PTK2B: variants seen among roughly 807,000 people sequenced by gnomAD.
The protein encoded by PTK2B is protein tyrosine kinase 2 beta, also known as protein-tyrosine kinase 2-beta.
PTK2B carries 71 observed loss-of-function variants against 142.9 expected under a neutral mutation model. That is an observed-to-expected ratio of 0.50 (90% CI 0.41 to 0.61). PTK2B has a LOEUF of 0.61. Ranked by LOEUF, PTK2B falls within the 20% of genes least tolerant of loss-of-function variation. The pLI is 0.00. For missense variants in PTK2B, 1,105 were observed against 1,320.4 expected, an observed-to-expected ratio of 0.84 and a Z score of 2.53; for synonymous variants, 519 against 503.4, an observed-to-expected ratio of 1.03 and a Z score of -0.42.
Position 27,431,447 on chromosome 8 carries a change from G to T in PTK2B, c.860G>T (p.Arg287Leu). The T allele has an allele frequency of 3.1e-6, 5 of 1,614,184 alleles. No individual in the cohort carries two copies. Among genetic ancestry groups the T allele is most frequent in the Non-Finnish European group, 4.2e-6 (5 of 1,180,028 alleles). ...VDLVIGPKGI[R>L]QLTSQDAKPT... ...CTGGTCATTGGCCCTAAAGGGATCC[G>T]CCAGCTGACTAGTCAGGACGCAAAG... The change falls in exon 9 of 31, where the codon CGC becomes CTC. Residue 287 changes from arginine (R) to leucine (L), a missense_variant. Physicochemically the swap from Arg to Leu is moderately radical, Grantham distance 102 (BLOSUM62 -2). Transcript: ENST00000346049.
intron 1 of PTK2B, among the ~76,000 whole-genome samples, chr8:27,341,026 G>A (rs1207079027): frequency 6.6e-6 from 1 of 152,180 alleles, no homozygotes; most frequent in Non-Finnish European, 1.5e-5. Flanking sequence ...GAGCAAGGGG[G>A]TGGCCTGGCA....
chr8:27,435,796 AG>A lies in PTK2B; in HGVS notation c.1243+5del. The A allele has an allele frequency of 6.2e-7, 1 of 1,613,922 alleles. No homozygotes were observed. Among genetic ancestry groups the A allele is most frequent in the Non-Finnish European group, 8.5e-7 (1 of 1,179,940 alleles). On this transcript the variant is annotated splice_donor_region_variant and intron_variant, in intron 14 of 30. Transcript: ENST00000346049. ...CGAAACCCTGCGAAGGCCCGGAGGTAGGTTCTCGACCCCGCCACAGCGACCG... is the reference window on the plus strand; with the variant it reads ...CGAAACCCTGCGAAGGCCCGGAGGTAGTTCTCGACCCCGCCACAGCGACCG...
intron 16 of PTK2B, 52 bp from the exon 17 acceptor site, chr8:27,437,344 A>T: frequency 6.4e-7 from 1 of 1,572,644 alleles, no homozygotes; most frequent in Non-Finnish European, 8.7e-7. Flanking sequence ...GCCTTTTCTG[A>T]ATTGGACCTT....
upstream of PTK2B, among the ~76,000 whole-genome samples, chr8:27,321,752 T>G (rs1258133300): frequency 1.3e-5 from 2 of 152,192 alleles, no homozygotes; most frequent in African/African-American, 2.4e-5. Flanking sequence ...AAATGTAGCC[T>G]TCATTTTGGG....
Position 27,451,202 on chromosome 8 carries a change from C to T in PTK2B, c.2523+124C>T, listed in dbSNP as rs556698361. The T allele has an allele frequency of 1.8e-5, 22 of 1,205,564 alleles. No homozygotes were observed. The African/African-American group carries it at 2.3e-4, about 12-fold the overall frequency. 74.7% of individuals were successfully genotyped at this position (1,205,564 alleles called of 1,614,324 possible). On this transcript the variant is annotated intron_variant, in intron 26 of 30. Transcript: ENST00000346049. ...GCCCAGCTCCTCCTCAATGGCTTTC[C>T]ATGTTGGGAGGGTGTCTTTTCCTTT...
intron 2 of PTK2B, among the ~76,000 whole-genome samples, chr8:27,413,787 T>G (rs1000300015): frequency 1.3e-5 from 2 of 152,230 alleles, no homozygotes; most frequent in African/African-American, 2.4e-5. Context: ...ACCCTCTAGC[T>G]TCATCACCCA....
chr8:27,390,887 T>C (rs1250028887), intron 1 of PTK2B, among the ~76,000 whole-genome samples: 1 of 150,176 alleles, frequency 6.7e-6, no homozygotes, highest in African/African-American at 2.5e-5. Flanking sequence ...ACACAACGGG[T>C]CCATGGCAGA....
At chr8:27,412,019 C>T (rs1809095806) in intron 2 of PTK2B, among the ~76,000 whole-genome samples, 1 of 152,242 alleles carries the variant, frequency 6.6e-6, no homozygotes, top group African/African-American at 2.4e-5. Flanking sequence ...GAGGACAGGT[C>T]TGAGGGACCC....
At chr8:27,395,692 T>C (rs577847610) in intron 1 of PTK2B, among the ~76,000 whole-genome samples, 11 of 152,186 alleles carry the variant, frequency 7.2e-5, no homozygotes, top group Admixed American at 4.6e-4. Context: ...CCTCCCTCTC[T>C]GGGTGGGGTC....
rs1163584840 is a variant in PTK2B, at chr8:27,383,154, G to T, written c.-37-14394G>T. 2.6e-5 allele frequency among the ~76,000 whole-genome samples: 4 copies of T among 152,106 alleles called. No individual in the cohort carries two copies. The South Asian group carries it at 6.2e-4, about 24-fold the overall frequency. On this transcript the variant is annotated intron_variant, in intron 1 of 30. Transcript: ENST00000346049. ...TTCGTAGAGCGCTTTAGGTAGTATG[G>T]TCATTTTAACAATATTAATTATTCC... is the stretch of plus-strand genomic sequence containing the variant.
chr8:27,360,026 G>A (rs982438564), intron 1 of PTK2B, among the ~76,000 whole-genome samples: 1 of 152,210 alleles, frequency 6.6e-6, no homozygotes, highest in African/African-American at 2.4e-5. Context: ...TGACACCTGA[G>A]AATTTCTTCT....
At chr8:27,435,264 T>G (rs1472533905) in intron 13 of PTK2B, among the ~76,000 whole-genome samples, 3 of 152,214 alleles carry the variant, frequency 2.0e-5, no homozygotes, top group Non-Finnish European at 4.4e-5. Flanking sequence ...GCCTCTCTTC[T>G]TCTGTGTACA....
At chr8:27,425,223 T>C (rs1184400321) in intron 5 of PTK2B, among the ~76,000 whole-genome samples, 1 of 151,486 alleles carries the variant, frequency 6.6e-6, no homozygotes, top group Non-Finnish European at 1.5e-5. Context: ...TACTATTGTA[T>C]AGTATTGCAT....
intron 2 of PTK2B, among the ~76,000 whole-genome samples, chr8:27,312,901 G>T (rs1452759521): frequency 1.3e-5 from 2 of 152,178 alleles, no homozygotes; most frequent in Non-Finnish European, 2.9e-5. Context: ...AGGGGTAGAA[G>T]GTGTCTGAGT....
intron 21 of PTK2B, among the ~76,000 whole-genome samples, chr8:27,441,196 A>G (rs963340560): frequency 3.3e-5 from 5 of 152,122 alleles, no homozygotes. Context: ...TACATCGATG[A>G]ATGGGTGTAG....
At chr8:27,373,087 C>G (rs1283576050) in intron 1 of PTK2B, among the ~76,000 whole-genome samples, 2 of 152,184 alleles carry the variant, frequency 1.3e-5, no homozygotes, top group African/African-American at 4.8e-5. Flanking sequence ...GGCTTAGGCT[C>G]CACCAGCCAT....
chr8:27,404,965 T>TAG (rs1297478057), intron 2 of PTK2B, among the ~76,000 whole-genome samples: 2 of 150,934 alleles, frequency 1.3e-5, no homozygotes, highest in Non-Finnish European at 3.0e-5. Flanking sequence ...ATGGGATTAG[T>TAG]GTCCTTATAA....
At chr8:27,386,285 C>A (rs1158651827) in intron 1 of PTK2B, among the ~76,000 whole-genome samples, 2 of 152,212 alleles carry the variant, frequency 1.3e-5, no homozygotes, top group Non-Finnish European at 2.9e-5. Context: ...GCAAATGCTT[C>A]ACACCCCTCG....
intron 5 of PTK2B, 51 bp from the exon 6 acceptor site, chr8:27,430,042 C>T: frequency 6.5e-7 from 1 of 1,545,590 alleles, no homozygotes; most frequent in Non-Finnish European, 8.9e-7. Context: ...CTGGGTCTGA[C>T]TGCCTCATTC....
Sources: allele counts gnomAD v4.1 joint callset (sites outside exome capture counted in the v4.1 genomes callset), GRCh38; gene constraint gnomAD v4.1.1; transcripts MANE v1.5; gene names NCBI Gene and HGNC (gene_info 2026-07-23, HGNC 2026-07-21).